VTA1: variants seen among roughly 807,000 people sequenced by gnomAD.
VTA1 encodes vesicle trafficking 1, also known as vacuolar protein sorting-associated protein VTA1 homolog.
Under a neutral mutation model 36.9 loss-of-function variants are expected in VTA1, and 24 were observed. That is an observed-to-expected ratio of 0.65 (90% CI 0.47 to 0.91). VTA1 has a LOEUF of 0.91. VTA1 is among the 40% of genes least tolerant of loss of function. The pLI is 0.00. For synonymous variants in VTA1, 142 were observed against 130.2 expected, an observed-to-expected ratio of 1.09 and a Z score of -0.62; for missense variants, 393 against 377.2, an observed-to-expected ratio of 1.04 and a Z score of -0.35.
chr6:142,163,098 A>G (rs117530137), intron 1 of VTA1, among the ~76,000 whole-genome samples: 259 of 152,320 alleles, frequency 1.7e-3, no homozygotes, highest in Middle Eastern at 3.4e-3. Flanking sequence ...ACAATGGCTA[A>G]GTAAAGTAAG....
At chr6:142,150,107 G>A (rs754510853) in intron 1 of VTA1, among the ~76,000 whole-genome samples, 51 of 151,676 alleles carry the variant, frequency 3.4e-4, no homozygotes, top group Admixed American at 2.6e-4. Context: ...TATTGGCCTG[G>A]CCATTTCTGA....
Position 142,194,472 on chromosome 6 carries a change from C to G in VTA1, c.521-3967C>G, listed in dbSNP as rs954139121. 6.6e-5 allele frequency among the ~76,000 whole-genome samples: 10 copies of G among 151,896 alleles called. No homozygotes were observed. The South Asian group carries it at 2.1e-3, about 31-fold the overall frequency. On this transcript the variant is annotated intron_variant, in intron 5 of 7. Transcript: ENST00000367630. ...GATTTTTTGAAGTAGAGGTTTTTAC[C>G]TCTTTTGTTAAATTTACTTCAAGTA...
intron 1 of VTA1, among the ~76,000 whole-genome samples, chr6:142,163,453 T>C (rs1453406653): frequency 6.6e-6 from 1 of 152,122 alleles, no homozygotes; most frequent in Non-Finnish European, 1.5e-5. Context: ...TACTGGGAAA[T>C]GTACTCTTTT....
intron 7 of VTA1, among the ~76,000 whole-genome samples, chr6:142,209,697 T>C (rs1010895679): frequency 1.3e-5 from 2 of 151,628 alleles, no homozygotes; most frequent in African/African-American, 4.8e-5. Context: ...TAATATTCCA[T>C]TGTGTATATA....
At position 142,147,303 on chromosome 6, in the gene VTA1, C is replaced by T. The variant is rs755054405; in HGVS notation, c.16C>T (p.Pro6Ser). 5.8e-5 allele frequency: 93 copies of T among 1,614,090 alleles called. No homozygotes were observed. The highest frequency in any genetic ancestry group is 2.2e-5 in the South Asian group (2 of 91,084). The change falls in exon 1 of 8, where the codon CCG (proline) becomes TCG (serine). Residue 6 changes from proline to serine, a missense_variant. Physicochemically the swap from Pro to Ser is moderately conservative, Grantham distance 74 (BLOSUM62 -1). Coordinates refer to ENST00000367630, the MANE Select transcript of VTA1 (RefSeq NM_016485.5). Reference sequence around the variant, plus strand: ...CGGAGTAGAGATGGCCGCGCTTGCACCGCTGCCCCCGCTCCCCGCACAGTT... The same window carrying T: ...CGGAGTAGAGATGGCCGCGCTTGCATCGCTGCCCCCGCTCCCCGCACAGTT... Reference protein sequence around the residue: MAALAPLPPLPAQFKS... With the variant: MAALASLPPLPAQFKS...
intron 4 of VTA1, among the ~76,000 whole-genome samples, chr6:142,186,762 A>T (rs1775346812): frequency 6.6e-6 from 1 of 152,192 alleles, no homozygotes; most frequent in African/African-American, 2.4e-5. Flanking sequence ...CTAGATTCAT[A>T]AATTTAAGAA....
At chr6:142,197,627 C>T (rs1348573068) in intron 5 of VTA1, among the ~76,000 whole-genome samples, 1 of 152,154 alleles carries the variant, frequency 6.6e-6, no homozygotes, top group Non-Finnish European at 1.5e-5. Context: ...ATGCATTGAA[C>T]AACTCACAGA....
chr6:142,187,460 G>A (rs1582892231), intron 4 of VTA1, among the ~76,000 whole-genome samples: 1 of 152,308 alleles, frequency 6.6e-6, no homozygotes, highest in African/African-American at 2.4e-5. Context: ...TGAGGAACAG[G>A]CTGACGCATG....
At chr6:142,175,107 T>G (rs924237535) in intron 4 of VTA1, among the ~76,000 whole-genome samples, 1 of 152,234 alleles carries the variant, frequency 6.6e-6, no homozygotes, top group Non-Finnish European at 1.5e-5. Flanking sequence ...ATATTCTAAT[T>G]AAGTTATTTT....
Position 142,166,282 on chromosome 6 carries a change from G to A in VTA1, c.167G>A (p.Cys56Tyr). 1 of 1,612,532 alleles carries A rather than the reference G, an allele frequency of 6.2e-7. No individual in the cohort carries two copies. The highest frequency in any genetic ancestry group is 8.5e-7 in the Non-Finnish European group (1 of 1,179,104). ...AAGATCGATAGTAAAACTCCTGAAT[G>A]TCGCAAATTTTTATCAAAGTTAATG... ...GMKIDSKTPECRKFLSKLMDQ... is the reference protein window; with the variant it reads ...GMKIDSKTPEYRKFLSKLMDQ... The change falls in exon 2 of 8, where the codon TGT becomes TAT. Residue 56 changes from cysteine to tyrosine, a missense_variant. Physicochemically the swap from Cys to Tyr is radical, Grantham distance 194 (BLOSUM62 -2). Transcript: ENST00000367630.
rs997995350 is a variant in VTA1, at chr6:142,223,235, A to G, written c.*4592A>G. On this transcript the variant is annotated 3_prime_UTR_variant, in exon 8 of 8. Coordinates refer to ENST00000367630, the MANE Select transcript of VTA1 (RefSeq NM_016485.5). ...CCCTCAATATCTGGAATATACACTG[A>G]TCTATGACCTGAAATTGTATGGACT... 3 of 152,208 alleles carry G rather than the reference A, an allele frequency of 2.0e-5. No individual in the cohort carries two copies. The highest frequency in any genetic ancestry group is 7.2e-5 in the African/African-American group (3 of 41,458). 9.4% of individuals were successfully genotyped at this position (152,208 alleles called of 1,614,324 possible).
chr6:142,216,644 C>CA lies in VTA1; in HGVS notation c.779-1847dup, dbSNP rs1242800113. ...TTTTTTAAATATTGAAATTATTTCA[C>CA]AAAAAAATACAGTATTTGTGTTTTA... On this transcript the variant is annotated intron_variant, in intron 7 of 7. Transcript: ENST00000367630. Among the ~76,000 whole-genome samples the CA allele has an allele frequency of 3.3e-5, 5 of 151,630 alleles. No homozygotes were observed. In the East Asian group the frequency reaches 9.7e-4, roughly 29 times the overall value.
chr6:142,147,321 G>A lies in VTA1; in HGVS notation c.34G>A (p.Ala12Thr), dbSNP rs11547601. 1 of 1,614,148 alleles carries A rather than the reference G, an allele frequency of 6.2e-7. No homozygotes were observed. Among genetic ancestry groups the A allele is most frequent in the African/African-American group, 1.3e-5 (1 of 75,058 alleles). ...AALAPLPPLP[A>T]QFKSIQHHLR... ...GCTTGCACCGCTGCCCCCGCTCCCC[G>A]CACAGTTCAAGAGCATACAGCATCA... Residue 12 changes from alanine to threonine, a missense_variant, in exon 1 of 8, where the codon GCA becomes ACA. Transcript: ENST00000367630.
At chr6:142,188,230 T>C (rs1225426421) in intron 4 of VTA1, among the ~76,000 whole-genome samples, 1 of 95,966 alleles carries the variant, frequency 1.0e-5, no homozygotes, top group African/African-American at 4.6e-5. Flanking sequence ...TATTTCTTTT[T>C]TTTTTTTTTT....
At chr6:142,166,070 T>C (rs997605470) in intron 1 of VTA1, among the ~76,000 whole-genome samples, 158 bp from the exon 2 acceptor site, 3 of 152,112 alleles carry the variant, frequency 2.0e-5, no homozygotes, top group African/African-American at 7.2e-5. Flanking sequence ...TTGGATAATA[T>C]TTTTGTGCTT....
intron 1 of VTA1, among the ~76,000 whole-genome samples, chr6:142,151,818 G>A (rs1190212903): frequency 7.9e-5 from 12 of 152,236 alleles, no homozygotes; most frequent in African/African-American, 2.9e-4. Flanking sequence ...CAGATCACCC[G>A]AGGTCAGGAG....
At chr6:142,191,846 GTTTTC>G (rs1343223484) in intron 5 of VTA1, among the ~76,000 whole-genome samples, 2 of 151,786 alleles carry the variant, frequency 1.3e-5, no homozygotes, top group Non-Finnish European at 2.9e-5. Context: ...ACTTTGATTT[GTTTTC>G]TTTTTTTGAG....
chr6:142,174,876 C>G (rs760209958), intron 4 of VTA1, among the ~76,000 whole-genome samples: 3 of 152,170 alleles, frequency 2.0e-5, no homozygotes, highest in Non-Finnish European at 2.9e-5. Flanking sequence ...CGCTGGCTTC[C>G]TTTTGCCTTC....
rs192870723 is a variant in VTA1 at position 142,169,050 on chromosome 6, T to G, written c.208-500T>G. On this transcript the variant is annotated intron_variant, in intron 2 of 7. Transcript: ENST00000367630. ...TCTCAAAGTACTGGGATTACGAGTGTGAACCACTGTGCCCGGCCGAGAGAT... is the reference window on the plus strand; with the variant it reads ...TCTCAAAGTACTGGGATTACGAGTGGGAACCACTGTGCCCGGCCGAGAGAT... Among the ~76,000 whole-genome samples, 376 of 152,196 alleles carry G rather than the reference T, an allele frequency of 2.5e-3. 2 individuals are homozygous for G. The highest frequency in any genetic ancestry group is 8.3e-3 in the African/African-American group (343 of 41,536).
Sources: allele counts gnomAD v4.1 joint callset (sites outside exome capture counted in the v4.1 genomes callset), GRCh38; gene constraint gnomAD v4.1.1; transcripts MANE v1.5; gene names NCBI Gene and HGNC (gene_info 2026-07-23, HGNC 2026-07-21).